The following RRAGD variants were observed in gnomAD, a reference collection of about 807,000 sequenced individuals.
The protein encoded by RRAGD is ras-related GTP-binding protein D.
RRAGD carries 12 observed loss-of-function variants against 35.5 expected under a neutral mutation model. The ratio of observed to expected loss-of-function variants is 0.34; its 90% CI spans 0.22 to 0.55. RRAGD has a LOEUF of 0.55. Among genes scored for constraint, RRAGD ranks in the 20% least tolerant of loss-of-function variants. RRAGD has a pLI of 0.91. For missense variants in RRAGD, 324 were observed against 490.1 expected, an observed-to-expected ratio of 0.66 and a Z score of 3.20; for synonymous variants, 155 against 178.9, an observed-to-expected ratio of 0.87 and a Z score of 1.07.
chr6:89,374,655 G>A (rs896278793), intron 5 of RRAGD, among the ~76,000 whole-genome samples: 4 of 151,988 alleles, frequency 2.6e-5, no homozygotes, highest in Non-Finnish European at 5.9e-5. Flanking sequence ...ACTTGAACCC[G>A]GGAGGCGGGG....
In RRAGD at chr6:89,387,565, G is replaced by T. The variant is rs766523973; in HGVS notation, c.174C>A (p.Ser58Arg). The change falls in exon 2 of 7, where the codon AGC (serine) becomes AGA (arginine). Residue 58 changes from serine to arginine, a missense_variant. Ser to Arg is a moderately radical substitution (Grantham distance 110). Around this residue, in one of 5 missense-constraint regions of RRAGD, gnomAD observed 96 missense variants for 78.7 expected, o/e 1.22. Transcript: ENST00000369415. Reference sequence around the variant, plus strand: ...GCAGGATTCTCGGCTTCACTTCAGTGCTGAAGGGGTCACTGAAGTCCAGAA... The same window carrying T: ...GCAGGATTCTCGGCTTCACTTCAGTTCTGAAGGGGTCACTGAAGTCCAGAA... Reference protein sequence around the residue: ...EGVLDFSDPFSTEVKPRILLM... With the variant: ...EGVLDFSDPFRTEVKPRILLM... 20 of 1,613,722 alleles carry T rather than the reference G, an allele frequency of 1.2e-5. 1 individual carries two copies. In the Admixed American group the frequency reaches 3.3e-4, roughly 27 times the overall value.
At chr6:89,389,555 CAAAAAAAAA>C (rs767352705) in intron 1 of RRAGD, among the ~76,000 whole-genome samples, 2 of 58,182 alleles carry the variant, frequency 3.4e-5, no homozygotes, top group Non-Finnish European at 7.3e-5. Context: ...GACTCCGTCT[CAAAAAAAAA>C]AAAAAAAAAA....
At position 89,372,283 on chromosome 6, in the gene RRAGD, G is replaced by A. The variant is rs538594937; in HGVS notation, c.1051+154C>T. Among the ~76,000 whole-genome samples the A allele has an allele frequency of 1.1e-4, 16 of 152,330 alleles. No individual in the cohort carries two copies. In the Middle Eastern group the frequency reaches 0.017, roughly 162 times the overall value. On this transcript the variant is annotated intron_variant, in intron 6 of 6. Transcript: ENST00000369415. ...AAGCTGACACTGGGGGCAGGAGCCCGCCCCGCTCTGAACTCCAAGCCAAGA... is the reference window on the plus strand; with the variant it reads ...AAGCTGACACTGGGGGCAGGAGCCCACCCCGCTCTGAACTCCAAGCCAAGA...
At chr6:89,368,243 G>C in intron 6 of RRAGD, 36 bp from the exon 7 acceptor site, 1 of 1,589,952 alleles carries the variant, frequency 6.3e-7, no homozygotes. Flanking sequence ...TAAATGTCAC[G>C]TAGAAATAAT....
At chr6:89,403,253 G>C (rs1769509517) in intron 1 of RRAGD, among the ~76,000 whole-genome samples, 1 of 152,150 alleles carries the variant, frequency 6.6e-6, no homozygotes, top group Non-Finnish European at 1.5e-5. Flanking sequence ...AGACCATCCT[G>C]GCTAACACGG....
At position 89,387,332 on chromosome 6, in the gene RRAGD, C is replaced by T. The variant is rs776995952; in HGVS notation, c.407G>A (p.Arg136Gln). The T allele has an allele frequency of 6.8e-6, 11 of 1,613,994 alleles. No individual in the cohort carries two copies. The highest frequency in any genetic ancestry group is 2.2e-5 in the South Asian group (2 of 91,088). Residue 136 changes from arginine (R) to glutamine (Q), a missense_variant, in exon 2 of 7, where the codon CGG becomes CAG. This residue lies in a region of RRAGD where 152 missense variants were observed against 296.9 expected (regional missense o/e 0.51). Transcript: ENST00000369415. ...DPTFDYEMIF[R>Q]GTGALIFVID... The stretch of plus-strand genomic sequence containing the variant: ...GACAAATATCAGTGCTCCTGTTCCC[C>T]GGAAGATCATCTCATAGTCAAATGT...
At chr6:89,376,361 C>T (rs374339840) in intron 5 of RRAGD, among the ~76,000 whole-genome samples, 2 of 150,234 alleles carry the variant, frequency 1.3e-5, no homozygotes, top group African/African-American at 2.5e-5. Flanking sequence ...AGAGAGAATC[C>T]GAGCTGAGTG....
At chr6:89,372,109 G>A (rs1447403824) in intron 6 of RRAGD, among the ~76,000 whole-genome samples, 2 of 152,208 alleles carry the variant, frequency 1.3e-5, no homozygotes, top group South Asian at 2.1e-4. Context: ...TCCCTGGTAA[G>A]AGACTTCATT....
intron 1 of RRAGD, among the ~76,000 whole-genome samples, chr6:89,404,146 C>T (rs1769534212): frequency 6.6e-6 from 1 of 152,152 alleles, no homozygotes; most frequent in African/African-American, 2.4e-5. Flanking sequence ...CCAAAGGGGG[C>T]TTTTTCCTAT....
At chr6:89,375,084 G>T (rs947831510) in intron 5 of RRAGD, among the ~76,000 whole-genome samples, 2 of 152,056 alleles carry the variant, frequency 1.3e-5, no homozygotes, top group African/African-American at 4.8e-5. Context: ...TTATCAGGTG[G>T]TAATGTTAAA....
At chr6:89,408,194 T>C (rs1769622010) in intron 1 of RRAGD, among the ~76,000 whole-genome samples, 1 of 152,182 alleles carries the variant, frequency 6.6e-6, no homozygotes, top group Non-Finnish European at 1.5e-5. Flanking sequence ...TACATTTCCA[T>C]ATACTTGATC....
At chr6:89,395,507 T>C (rs1249857666) in intron 1 of RRAGD, among the ~76,000 whole-genome samples, 1 of 152,274 alleles carries the variant, frequency 6.6e-6, no homozygotes, top group Non-Finnish European at 1.5e-5. Flanking sequence ...ACTGACATGC[T>C]GTTTTATGTT....
chr6:89,398,658 A>C (rs993597074), intron 1 of RRAGD, among the ~76,000 whole-genome samples: 1 of 152,262 alleles, frequency 6.6e-6, no homozygotes, highest in Admixed American at 6.5e-5. Context: ...CATGGCTATC[A>C]TGTATGAAGG....
rs115388646 is a variant in RRAGD at position 89,394,085 on chromosome 6, T to G, written c.149-6495A>C. ...AAGAACCATTATTTTACTAAAGAAG[T>G]TCCAAAAGGAGAGAATGCAGAATAT... On this transcript the variant is annotated intron_variant, in intron 1 of 6. Transcript: ENST00000369415. Among the ~76,000 whole-genome samples the G allele has an allele frequency of 5.9e-3, 900 of 152,262 alleles. 9 individuals carry two copies. Among genetic ancestry groups the G allele is most frequent in the African/African-American group, 0.02 (827 of 41,540 alleles).
At chr6:89,371,954 G>C (rs1768860345) in intron 6 of RRAGD, among the ~76,000 whole-genome samples, 1 of 152,214 alleles carries the variant, frequency 6.6e-6, no homozygotes, top group Non-Finnish European at 1.5e-5. Context: ...GATTTAAGAA[G>C]TATTTTGAGG....
At chr6:89,396,146 T>G (rs1769327722) in intron 1 of RRAGD, among the ~76,000 whole-genome samples, 1 of 151,966 alleles carries the variant, frequency 6.6e-6, no homozygotes, top group South Asian at 2.1e-4. Flanking sequence ...AAATAAAACT[T>G]CAATACCCAT....
intron 6 of RRAGD, among the ~76,000 whole-genome samples, chr6:89,371,277 C>T (rs1768850042): frequency 1.3e-5 from 2 of 151,506 alleles, no homozygotes; most frequent in South Asian, 2.1e-4. Context: ...TCACTTGAGC[C>T]GAGGAGTTTG....
intron 2 of RRAGD, among the ~76,000 whole-genome samples, chr6:89,384,645 T>A (rs1769107466): frequency 6.6e-6 from 1 of 151,890 alleles, no homozygotes; most frequent in Admixed American, 6.6e-5. Flanking sequence ...TGAAACCCCA[T>A]CTCTACTAAA....
At chr6:89,375,089 G>C (rs1256910366) in intron 5 of RRAGD, among the ~76,000 whole-genome samples, 1 of 152,122 alleles carries the variant, frequency 6.6e-6, no homozygotes, top group African/African-American at 2.4e-5. Flanking sequence ...AGGTGGTAAT[G>C]TTAAATGAAA....
Sources: gnomAD v4.1 joint callset for allele counts (sites outside exome capture counted in the v4.1 genomes callset) on GRCh38, gnomAD v4.1.1 for gene constraint, gnomAD v4.1.1 regional missense constraint, MANE v1.5 for transcripts, NCBI Gene and HGNC (gene_info 2026-07-23, HGNC 2026-07-21) for gene names.